HYDIN: variants seen among roughly 807,000 people sequenced by gnomAD.
HYDIN encodes the protein HYDIN axonemal central pair apparatus protein, also known as axonemal central pair apparatus protein HYDIN.
A neutral mutation model predicts 403.9 loss-of-function variants in HYDIN; 132 were observed. The observed-to-expected ratio is 0.33, with a 90% CI of 0.28 to 0.38. The LOEUF is 0.38. Among genes scored for constraint, HYDIN ranks in the 10% least tolerant of loss-of-function variants. The pLI is 1.00. For synonymous variants in HYDIN, 1,202 were observed against 1,891.7 expected (o/e 0.64, Z 9.46); for missense variants, 2,827 against 5,009.5 (o/e 0.56, Z 13.15).
intron 47 of HYDIN, among the ~76,000 whole-genome samples, chr16:70,909,196 C>G (rs940424861): frequency 1.3e-5 from 2 of 151,730 alleles, no homozygotes; most frequent in African/African-American, 4.8e-5. Context: ...TTGCTGTCTA[C>G]TTCCTAATAT....
chr16:70,852,660 C>A (rs2038732850), intron 73 of HYDIN: 2 of 151,160 alleles, frequency 1.3e-5, no homozygotes, highest in African/African-American at 4.9e-5. Context: ...AGAGACATTT[C>A]ACTGAGGAGG....
At chr16:71,048,743 A>G (rs2081533995) in intron 18 of HYDIN, among the ~76,000 whole-genome samples, 1 of 152,230 alleles carries the variant, frequency 6.6e-6, no homozygotes, top group Admixed American at 6.5e-5. Flanking sequence ...AGGAGAGAGA[A>G]GGTCAAAAAA....
intron 15 of HYDIN, chr16:71,066,960 G>A (rs1371301425): frequency 7.4e-6 from 5 of 680,040 alleles, no homozygotes; most frequent in Non-Finnish European, 1.3e-5. Context: ...AAATAAAAAT[G>A]AGCAGCTCTT....
chr16:70,860,331 T>C, intron 70 of HYDIN, 125 bp from the exon 71 acceptor site: 1 of 969,012 alleles, frequency 1.0e-6, no homozygotes, highest in Non-Finnish European at 1.5e-6. Context: ...CAGAGCACTT[T>C]GTTACTGTGG....
Position 70,981,542 on chromosome 16 carries a change from C to T in HYDIN, c.4359G>A (p.Gln1453=). 1 of 1,612,130 alleles carries T rather than the reference C, an allele frequency of 6.2e-7. No homozygotes were observed. The highest frequency in any genetic ancestry group is 2.2e-5 in the East Asian group (1 of 44,854). The stretch of plus-strand genomic sequence containing the variant: ...CAGGTAGGTAGTAAACTTTTAATAC[C>T]TGCTCTTGATGTGAACTGATAAAGC... ...VSGFISSHQE[Q]VLKVYYLPGV... Residue 1453 remains glutamine (Q), a synonymous_variant, in exon 29 of 86, where the codon CAG becomes CAA. Coordinates refer to ENST00000393567, the MANE Select transcript of HYDIN (RefSeq NM_001270974.2).
intron 1 of HYDIN, among the ~76,000 whole-genome samples, chr16:71,224,250 C>G (rs966766471): frequency 1.3e-5 from 2 of 152,052 alleles, no homozygotes; most frequent in African/African-American, 2.4e-5. Flanking sequence ...CTATGAGATG[C>G]AAAGACATAC....
chr16:70,884,145 G>A, intron 58 of HYDIN, 21 bp from the exon 59 acceptor site: 1 of 1,551,622 alleles, frequency 6.4e-7, no homozygotes, highest in Non-Finnish European at 8.7e-7. Flanking sequence ...AGGGTGGGAG[G>A]GATAGGAGGC....
intron 73 of HYDIN, among the ~76,000 whole-genome samples, chr16:70,853,892 CTTTTTT>C (rs140632293): frequency 8.3e-6 from 1 of 120,948 alleles, no homozygotes; most frequent in Non-Finnish European, 1.7e-5. Flanking sequence ...TTCTTTCTTT[CTTTTTT>C]TTTTTTTTTT....
intron 76 of HYDIN, among the ~76,000 whole-genome samples, chr16:70,838,552 A>G (rs1567683717): frequency 6.6e-6 from 1 of 152,102 alleles, no homozygotes; most frequent in African/African-American, 2.4e-5. Context: ...CTCTCATAAG[A>G]AGGAAGTGCT....
intron 7 of HYDIN, among the ~76,000 whole-genome samples, chr16:71,141,100 T>A (rs955060117): frequency 9.3e-5 from 14 of 151,232 alleles, no homozygotes; most frequent in African/African-American, 3.4e-4. Context: ...AAAGTCTCGG[T>A]AATTAAAATA....
chr16:70,909,439 A>C (rs2076627697), intron 47 of HYDIN, among the ~76,000 whole-genome samples: 1 of 151,672 alleles, frequency 6.6e-6, no homozygotes, highest in Non-Finnish European at 1.5e-5. Flanking sequence ...AAAAAAGAAA[A>C]CTTTAAGAGT....
intron 18 of HYDIN, among the ~76,000 whole-genome samples, chr16:71,059,589 G>A (rs2144264880): frequency 6.6e-6 from 1 of 151,892 alleles, no homozygotes; most frequent in Admixed American, 6.6e-5. Flanking sequence ...AAAACCAAAT[G>A]TCACACAAAG....
rs1770437 is a variant in HYDIN at position 70,839,667 on chromosome 16, G to A, written c.13043+397C>T. Among the ~76,000 whole-genome samples the A allele has an allele frequency of 2.0e-5, 3 of 152,298 alleles. No homozygotes were observed. In the East Asian group the frequency reaches 5.8e-4, roughly 29 times the overall value. ...GAACATCCCACACAGGGATGGTGCC[G>A]AGAGGCTGGATTTGAATCAGAAAGC... On this transcript the variant is annotated intron_variant, in intron 76 of 85. Coordinates refer to ENST00000393567, the MANE Select transcript of HYDIN (RefSeq NM_001270974.2).
chr16:70,826,705 A>ATCTCTCTCTCTCTC (rs3043151), intron 83 of HYDIN, among the ~76,000 whole-genome samples: 9 of 129,096 alleles, frequency 7.0e-5, no homozygotes, highest in Admixed American at 2.9e-4. Context: ...TCTTGCCAGC[A>ATCTCTCTCTCTCTC]TCTCTCTCTC....
At chr16:70,994,578 C>T (rs1295171924) in intron 23 of HYDIN, among the ~76,000 whole-genome samples, 4 of 148,128 alleles carry the variant, frequency 2.7e-5, no homozygotes, top group South Asian at 2.1e-4. Flanking sequence ...ACAAATCTCC[C>T]GGGAAGCTCC....
intron 1 of HYDIN, among the ~76,000 whole-genome samples, chr16:71,192,749 T>C (rs1390749226): frequency 1.3e-5 from 2 of 152,196 alleles, no homozygotes; most frequent in African/African-American, 4.8e-5. Context: ...CACCGGACTC[T>C]TAAGTTTTTT....
chr16:71,093,641 C>G (rs1254230676), intron 11 of HYDIN, 176 bp downstream of exon 11: 1 of 411,798 alleles, frequency 2.4e-6, no homozygotes, highest in Non-Finnish European at 4.2e-6. Flanking sequence ...TTGTTCCCCT[C>G]ATGATGGCCA....
In HYDIN at chr16:70,934,432, C is replaced by T. The variant is rs181906954; in HGVS notation, c.7158+1520G>A. Among the ~76,000 whole-genome samples, 79 of 152,108 alleles carry T rather than the reference C, an allele frequency of 5.2e-4. No homozygotes were observed. The East Asian group carries it at 0.01, about 20-fold the overall frequency. The stretch of plus-strand genomic sequence containing the variant: ...GCAGAGAGGAAAACAGGTGTGCTGA[C>T]GGTCGAAGACATAGAGCAGTCCTTT... On this transcript the variant is annotated intron_variant, in intron 45 of 85. Coordinates refer to ENST00000393567, the MANE Select transcript of HYDIN (RefSeq NM_001270974.2).
intron 4 of HYDIN, 180 bp from the exon 5 acceptor site, chr16:71,175,921 T>A (rs927008234): frequency 2.9e-6 from 2 of 681,758 alleles, no homozygotes; most frequent in African/African-American, 3.6e-5. Flanking sequence ...AAGCACCCAA[T>A]ACCTTCTAGC....
Sources: gnomAD v4.1 joint callset for allele counts (sites outside exome capture counted in the v4.1 genomes callset) on GRCh38, gnomAD v4.1.1 for gene constraint, MANE v1.5 for transcripts, NCBI Gene and HGNC (gene_info 2026-07-23, HGNC 2026-07-21) for gene names.